PKNOX1: variants seen among roughly 807,000 people sequenced by gnomAD.
PKNOX1 encodes homeobox protein PKNOX1.
PKNOX1 carries 15 observed loss-of-function variants against 51.9 expected under a neutral mutation model. That is an observed-to-expected ratio of 0.29 (90% CI 0.19 to 0.45). The LOEUF is 0.45. Ranked by LOEUF, PKNOX1 falls within the 20% of genes least tolerant of loss-of-function variation. PKNOX1 has a pLI of 1.00. For missense variants in PKNOX1, 462 were observed against 547.5 expected (o/e 0.84, Z 1.56); for synonymous variants, 219 against 211.1 (o/e 1.04, Z -0.32).
At chr21:43,010,274 ATGAAATTTTAGGCT>A (rs1568898334) in intron 4 of PKNOX1, 50 bp downstream of exon 4, 1 of 1,127,264 alleles carries the variant, frequency 8.9e-7, no homozygotes, top group East Asian at 2.6e-5. Context: ...AAATCTGTTC[ATGAAATTTTAGGCT>A]TCTAAGTAGA....
intron 1 of PKNOX1, among the ~76,000 whole-genome samples, chr21:43,001,787 C>A (rs914868803): frequency 6.6e-6 from 1 of 151,844 alleles, no homozygotes; most frequent in Non-Finnish European, 1.5e-5. Context: ...GGTGAAACCC[C>A]GTCTCTACTG....
At chr21:42,976,164 C>T (rs996170123) in intron 1 of PKNOX1, among the ~76,000 whole-genome samples, 4 of 152,162 alleles carry the variant, frequency 2.6e-5, no homozygotes, top group African/African-American at 2.4e-5. Context: ...AAGCAAGTGA[C>T]GCAACAGTTT....
At chr21:42,988,141 C>T (rs949147149) in intron 1 of PKNOX1, among the ~76,000 whole-genome samples, 16 of 152,122 alleles carry the variant, frequency 1.1e-4, no homozygotes, top group Non-Finnish European at 5.9e-5. Context: ...GCAACCTCTG[C>T]CTCCCGGGTT....
intron 1 of PKNOX1, among the ~76,000 whole-genome samples, chr21:42,982,913 A>G (rs2059034095): frequency 1.3e-5 from 2 of 151,694 alleles, no homozygotes; most frequent in African/African-American, 4.8e-5. Context: ...GGGTTCAGGC[A>G]ATTCTCCTGC....
chr21:42,995,670 C>T (rs1328061811), intron 1 of PKNOX1, among the ~76,000 whole-genome samples: 1 of 151,792 alleles, frequency 6.6e-6, no homozygotes, highest in Admixed American at 6.6e-5. Context: ...GAGCAAGAAC[C>T]CATCTCAAAA....
In PKNOX1 at chr21:42,985,265, G is replaced by A. The variant is rs141374565; in HGVS notation, c.-57+10601G>A. ...GCCTCTCAAAGTGCTGGGATTACAG[G>A]CGTGAGCCACTGTGCCTGGCCCCTT... On this transcript the variant is annotated intron_variant, in intron 1 of 10. Transcript: ENST00000291547. Among the ~76,000 whole-genome samples the A allele has an allele frequency of 4.1e-3, 623 of 152,166 alleles. 3 individuals are homozygous for A. The highest frequency in any genetic ancestry group is 0.014 in the African/African-American group (592 of 41,512).
intron 9 of PKNOX1, among the ~76,000 whole-genome samples, chr21:43,025,749 A>C (rs1979959713): frequency 6.6e-6 from 1 of 152,192 alleles, no homozygotes; most frequent in South Asian, 2.1e-4. Context: ...AGAAAGCACA[A>C]ATTCTTCCAG....
At chr21:42,986,101 G>A (rs1272446367) in intron 1 of PKNOX1, among the ~76,000 whole-genome samples, 2 of 152,022 alleles carry the variant, frequency 1.3e-5, no homozygotes, top group East Asian at 3.8e-4. Flanking sequence ...ACATATGTGG[G>A]CCTTTGGGTT....
intron 1 of PKNOX1, among the ~76,000 whole-genome samples, chr21:42,996,056 T>A (rs369367412): frequency 4.6e-5 from 7 of 152,182 alleles, no homozygotes; most frequent in African/African-American, 1.7e-4. Context: ...TCTACAGAAA[T>A]TTTTAAAAAT....
At chr21:42,996,310 G>A (rs1453086567) in intron 1 of PKNOX1, among the ~76,000 whole-genome samples, 1 of 152,094 alleles carries the variant, frequency 6.6e-6, no homozygotes, top group African/African-American at 2.4e-5. Context: ...CAGGAGTGGG[G>A]GCCATGGACG....
At chr21:43,028,357 T>G (rs1400392871) in intron 9 of PKNOX1, among the ~76,000 whole-genome samples, 1 of 151,978 alleles carries the variant, frequency 6.6e-6, no homozygotes, top group Non-Finnish European at 1.5e-5. Flanking sequence ...TTTTCTTCCT[T>G]AGGGAAAACA....
chr21:42,978,065 G>A (rs556239270), intron 1 of PKNOX1, among the ~76,000 whole-genome samples: 1 of 152,186 alleles, frequency 6.6e-6, no homozygotes, highest in East Asian at 1.9e-4. Flanking sequence ...GAGTGCAGTG[G>A]TATGATCATG....
intron 1 of PKNOX1, among the ~76,000 whole-genome samples, chr21:42,985,136 C>T (rs923461078): frequency 8.7e-5 from 13 of 149,852 alleles, no homozygotes; most frequent in African/African-American, 2.2e-4. Context: ...TACAGGCATG[C>T]GCCACCATGC....
At position 42,976,355 on chromosome 21, in the gene PKNOX1, C is replaced by T. The variant is rs556932607; in HGVS notation, c.-57+1691C>T. ...TTGTTTTATACTTTGACAATCTGGC[C>T]TCAGTGTGGATGGCTGCTGACTGAT... On this transcript the variant is annotated intron_variant, in intron 1 of 10. Coordinates refer to ENST00000291547, the MANE Select transcript of PKNOX1 (RefSeq NM_004571.5). Among the ~76,000 whole-genome samples, 59 of 152,284 alleles carry T rather than the reference C, an allele frequency of 3.9e-4. 1 individual carries two copies. The highest frequency in any genetic ancestry group is 3.9e-3 in the Admixed American group (59 of 15,286).
intron 4 of PKNOX1, 22 bp from the exon 5 acceptor site, chr21:43,013,041 TGAAAG>T (rs1483540905): frequency 6.4e-7 from 1 of 1,553,870 alleles, no homozygotes; most frequent in Admixed American, 1.9e-5. Context: ...CCTTTTTCTC[TGAAAG>T]TCTTCATTTT....
chr21:43,004,440 T>C lies in PKNOX1; in HGVS notation c.51+8T>C. On this transcript the variant is annotated splice_region_variant and intron_variant, in intron 2 of 10. Coordinates refer to ENST00000291547, the MANE Select transcript of PKNOX1 (RefSeq NM_004571.5). ...TATCAAGATGGGCAACAGGTGAGCTTGAACTTGATTCTGCATTCTAATTAC... is the reference window on the plus strand; with the variant it reads ...TATCAAGATGGGCAACAGGTGAGCTCGAACTTGATTCTGCATTCTAATTAC... 1 of 1,583,456 alleles carries C rather than the reference T, an allele frequency of 6.3e-7. No homozygotes were observed. The highest frequency in any genetic ancestry group is 8.7e-7 in the Non-Finnish European group (1 of 1,152,146).
chr21:42,985,249 A>G (rs561668730), intron 1 of PKNOX1, among the ~76,000 whole-genome samples: 3 of 151,946 alleles, frequency 2.0e-5, no homozygotes, highest in Non-Finnish European at 4.4e-5. Context: ...GGCCTCTCAA[A>G]GTGCTGGGAT....
At chr21:42,993,344 C>T (rs923014779) in intron 1 of PKNOX1, among the ~76,000 whole-genome samples, 13 of 152,070 alleles carry the variant, frequency 8.5e-5, no homozygotes, top group African/African-American at 2.2e-4. Flanking sequence ...CAACAGGACT[C>T]GCGGGCCGAG....
Position 43,030,157 on chromosome 21 carries a change from A to G in PKNOX1, c.*56A>G. 3 of 1,293,038 alleles carry G rather than the reference A, an allele frequency of 2.3e-6. No individual in the cohort carries two copies. The highest frequency in any genetic ancestry group is 3.2e-6 in the Non-Finnish European group (3 of 932,682). 80.1% of individuals were successfully genotyped at this position (1,293,038 alleles called of 1,614,324 possible). On this transcript the variant is annotated 3_prime_UTR_variant, in exon 11 of 11. Transcript: ENST00000291547. ...AGTTTGCACAGCAAACATTTTACAC[A>G]GTTTTATTTCTAATATGTTTTATAT...
Sources: allele counts gnomAD v4.1 joint callset (sites outside exome capture counted in the v4.1 genomes callset), GRCh38; gene constraint gnomAD v4.1.1; transcripts MANE v1.5; gene names NCBI Gene and HGNC (gene_info 2026-07-23, HGNC 2026-07-21).